ZNF385D: variants seen among roughly 807,000 people sequenced by gnomAD.
ZNF385D encodes the protein zinc finger protein 385D.
Under a neutral mutation model 35.8 loss-of-function variants are expected in ZNF385D, and 15 were observed. That is an observed-to-expected ratio of 0.42 (90% CI 0.28 to 0.64). The LOEUF is 0.64. ZNF385D is among the 30% of genes least tolerant of loss of function. The pLI is 0.23. For missense variants in ZNF385D, 474 were observed against 494.6 expected (o/e 0.96, Z 0.39); for synonymous variants, 212 against 186.8 (o/e 1.13, Z -1.10).
At chr3:21,580,184 G>T (rs1460918193) in intron 2 of ZNF385D, among the ~76,000 whole-genome samples, 2 of 152,118 alleles carry the variant, frequency 1.3e-5, no homozygotes, top group Non-Finnish European at 2.9e-5. Context: ...AACAATAAAT[G>T]AATTACTGAG....
In ZNF385D at chr3:22,244,763, C is replaced by A. The variant is rs1054400292; in HGVS notation, c.107-75728G>T. On this transcript the variant is annotated intron_variant, in intron 2 of 5. Coordinates refer to the ZNF385D transcript ENST00000494108. Reference sequence around the variant, plus strand: ...ATGCCTCAGGTATATTAAAAAGTATCAGCGAGCTCTAAAATCATTGTAGGC... The same window carrying A: ...ATGCCTCAGGTATATTAAAAAGTATAAGCGAGCTCTAAAATCATTGTAGGC... Among the ~76,000 whole-genome samples, 10 of 150,962 alleles carry A rather than the reference C, an allele frequency of 6.6e-5. 1 individual carries two copies. Among genetic ancestry groups the A allele is most frequent in the Non-Finnish European group, 1.0e-4 (7 of 67,944 alleles).
At chr3:22,134,520 A>C (rs1703990489) in intron 3 of ZNF385D, 2 of 152,198 alleles carry the variant, frequency 1.3e-5, no homozygotes, top group Non-Finnish European at 2.9e-5. Context: ...TCTAACTGAC[A>C]ATTACAGAAC....
At position 22,053,291 on chromosome 3, in the gene ZNF385D, A is replaced by G. The variant is rs1026652003; in HGVS notation, c.325+115526T>C. 2.9e-5 allele frequency among the ~76,000 whole-genome samples: 2 copies of G among 69,736 alleles called. 1 individual carries two copies. Among genetic ancestry groups the G allele is most frequent in the Non-Finnish European group, 5.7e-5 (2 of 35,150 alleles). The allele number at this position is 69,736 out of a possible 152,430, so 45.7% of individuals were successfully genotyped here. A position where few individuals can be genotyped will look rare whatever the true frequency, so the allele number is the denominator to read the frequency against. On this transcript the variant is annotated intron_variant, in intron 3 of 5. Transcript: ENST00000494108. ...AAATCAGAGCAGAACTGAAGGAAAT[A>G]GAGACACAAAAAACCCTTCAAAAAA...
chr3:22,301,622 G>A (rs1261314357), intron 2 of ZNF385D, among the ~76,000 whole-genome samples: 6 of 151,730 alleles, frequency 4.0e-5, no homozygotes, highest in African/African-American at 1.2e-4. Context: ...ATACAAAAAC[G>A]GTAAAGAAAA....
chr3:21,541,289 A>G (rs2062169263), intron 3 of ZNF385D, among the ~76,000 whole-genome samples: 1 of 152,178 alleles, frequency 6.6e-6, no homozygotes, highest in Admixed American at 6.5e-5. Flanking sequence ...TTAAAAATGA[A>G]TGGGTGCTAC....
intron 3 of ZNF385D, among the ~76,000 whole-genome samples, chr3:21,838,022 C>T (rs930067430): frequency 6.6e-6 from 1 of 152,066 alleles, no homozygotes; most frequent in Admixed American, 6.6e-5. Flanking sequence ...GCCTATGGGC[C>T]TACATTATCC....
chr3:22,306,583 A>G (rs1037092370), intron 2 of ZNF385D, among the ~76,000 whole-genome samples: 1 of 152,144 alleles, frequency 6.6e-6, no homozygotes, highest in Non-Finnish European at 1.5e-5. Flanking sequence ...GAGGGCAATC[A>G]TGCTAAGGCT....
intron 3 of ZNF385D, among the ~76,000 whole-genome samples, chr3:22,019,961 T>C (rs941805102): frequency 6.6e-6 from 1 of 151,736 alleles, no homozygotes; most frequent in African/African-American, 2.4e-5. Flanking sequence ...TGGTAGATAA[T>C]GAAAAAAACA....
chr3:21,976,136 T>C (rs1703609159), intron 3 of ZNF385D, among the ~76,000 whole-genome samples: 1 of 152,134 alleles, frequency 6.6e-6, no homozygotes, highest in Non-Finnish European at 1.5e-5. Flanking sequence ...GCCAAAGTTA[T>C]TTCAAGATCT....
intron 4 of ZNF385D, among the ~76,000 whole-genome samples, chr3:21,461,332 T>A (rs544412): frequency 1.3e-5 from 2 of 152,100 alleles, no homozygotes; most frequent in Admixed American, 6.6e-5. Context: ...GGGAGGATCA[T>A]GAGGTTAGGA....
At chr3:21,677,407 G>C (rs980948011) in intron 1 of ZNF385D, among the ~76,000 whole-genome samples, 1 of 152,050 alleles carries the variant, frequency 6.6e-6, no homozygotes, top group Non-Finnish European at 1.5e-5. Context: ...ATCTTGACTT[G>C]TACAACTAAT....
chr3:22,321,281 T>C (rs538195136), intron 2 of ZNF385D, among the ~76,000 whole-genome samples: 1 of 151,974 alleles, frequency 6.6e-6, no homozygotes, highest in South Asian at 2.1e-4. Context: ...ACATATTTTG[T>C]ATAACCTTTT....
chr3:21,453,061 C>T (rs1454642634), intron 4 of ZNF385D, among the ~76,000 whole-genome samples: 1 of 151,618 alleles, frequency 6.6e-6, no homozygotes, highest in African/African-American at 2.4e-5. Flanking sequence ...TGGAAGGAAA[C>T]CCATACATTT....
chr3:22,197,199 T>C (rs1053680045), intron 2 of ZNF385D, among the ~76,000 whole-genome samples: 2 of 152,006 alleles, frequency 1.3e-5, no homozygotes, highest in African/African-American at 2.4e-5. Flanking sequence ...CTTGGTGTTT[T>C]TGAATTTGTA....
At chr3:21,890,358 C>A (rs259530) in intron 3 of ZNF385D, among the ~76,000 whole-genome samples, 38,119 of 152,016 alleles carry the variant, frequency 0.25, 5,124 homozygotes, top group South Asian at 0.41. Context: ...GTGGCTCATG[C>A]CTGTAATCCC....
rs146008044 is a variant in ZNF385D at position 21,661,800 on chromosome 3, A to G, written c.165+3086T>C. Among the ~76,000 whole-genome samples the G allele has an allele frequency of 4.6e-3, 696 of 152,238 alleles. 7 individuals are homozygous for G. The highest frequency in any genetic ancestry group is 0.01 in the Middle Eastern group (3 of 294). On this transcript the variant is annotated intron_variant, in intron 2 of 7. Transcript: ENST00000281523. ...ATGTCTTATTTTATACCTATAACTCAGCTCTGATTCTACATCTTTCCTTCC... is the reference window on the plus strand; with the variant it reads ...ATGTCTTATTTTATACCTATAACTCGGCTCTGATTCTACATCTTTCCTTCC...
chr3:21,457,386 C>T (rs889807850), intron 4 of ZNF385D, among the ~76,000 whole-genome samples: 6 of 151,394 alleles, frequency 4.0e-5, no homozygotes, highest in Non-Finnish European at 1.5e-5. Context: ...GAATGAGTCT[C>T]GTTCTGTCAC....
intron 2 of ZNF385D, among the ~76,000 whole-genome samples, chr3:22,360,778 C>A (rs1406132798): frequency 1.3e-4 from 20 of 151,984 alleles, no homozygotes; most frequent in Admixed American, 1.3e-3. Flanking sequence ...AACGCTTCAA[C>A]TTTAATGTTT....
At chr3:22,191,315 C>A (rs1005032024) in intron 2 of ZNF385D, among the ~76,000 whole-genome samples, 2 of 151,948 alleles carry the variant, frequency 1.3e-5, no homozygotes, top group African/African-American at 4.8e-5. Context: ...TGGAGAAACC[C>A]CGTCTCTACT....
Sources: allele counts gnomAD v4.1 joint callset (sites outside exome capture counted in the v4.1 genomes callset), GRCh38; gene constraint gnomAD v4.1.1; transcripts MANE v1.5; gene names NCBI Gene and HGNC (gene_info 2026-07-23, HGNC 2026-07-21).